ANKRD44: variants seen among roughly 807,000 people sequenced by gnomAD.
ANKRD44 encodes ankyrin repeat domain 44.
Under a neutral mutation model 116.0 loss-of-function variants are expected in ANKRD44, and 35 were observed. That is an observed-to-expected ratio of 0.30 (90% CI 0.23 to 0.40). ANKRD44 has a LOEUF of 0.40. Among genes scored for constraint, ANKRD44 ranks in the 10% least tolerant of loss-of-function variants. The pLI, the probability that ANKRD44 is intolerant of heterozygous loss-of-function variation, is 1.00. For synonymous variants in ANKRD44, 435 were observed against 461.8 expected, an observed-to-expected ratio of 0.94 and a Z score of 0.74; for missense variants, 1,014 against 1,242.6, an observed-to-expected ratio of 0.82 and a Z score of 2.77.
intron 2 of ANKRD44, among the ~76,000 whole-genome samples, chr2:197,186,606 ATTTTTCTTTTTTTTTT>A (rs1240620800): frequency 1.2e-5 from 1 of 81,454 alleles, no homozygotes; most frequent in African/African-American, 4.7e-5. Context: ...TGCCCGGCTA[ATTTTTCTTTTTTTTTT>A]TTTTTTTTTT....
At chr2:196,990,412 C>T in intron 27 of ANKRD44, 1 of 1,112,286 alleles carries the variant, frequency 9.0e-7, no homozygotes, top group Non-Finnish European at 1.1e-6. Context: ...GAATTAAATA[C>T]ATCTTTTATT....
At chr2:197,205,756 A>G (rs1022811853) in intron 1 of ANKRD44, among the ~76,000 whole-genome samples, 1 of 152,168 alleles carries the variant, frequency 6.6e-6, no homozygotes, top group African/African-American at 2.4e-5. Context: ...TCACGGTGGA[A>G]GCAACAGGGT....
intron 9 of ANKRD44, among the ~76,000 whole-genome samples, chr2:197,106,807 T>TATATATATA (rs1553509477): frequency 8.4e-5 from 9 of 107,324 alleles, no homozygotes; most frequent in Admixed American, 2.2e-4. Flanking sequence ...TATATATATA[T>TATATATATA]TTTTTTTTTT....
At chr2:197,044,803 T>G (rs1239998119) in intron 16 of ANKRD44, among the ~76,000 whole-genome samples, 1 of 152,070 alleles carries the variant, frequency 6.6e-6, no homozygotes, top group East Asian at 1.9e-4. Flanking sequence ...GTAAATAGTT[T>G]ATACACACAA....
chr2:197,208,901 A>T (rs2081267304), intron 1 of ANKRD44, among the ~76,000 whole-genome samples: 1 of 152,228 alleles, frequency 6.6e-6, no homozygotes, highest in African/African-American at 2.4e-5. Flanking sequence ...CTGAAATCCC[A>T]TGTAAGTGCC....
At chr2:197,058,833 T>C (rs2077254518) in intron 16 of ANKRD44, among the ~76,000 whole-genome samples, 1 of 152,208 alleles carries the variant, frequency 6.6e-6, no homozygotes. Flanking sequence ...GACAGGCACA[T>C]TGGAATGGTG....
At chr2:197,229,529 T>A (rs2081805878) in intron 1 of ANKRD44, among the ~76,000 whole-genome samples, 1 of 152,214 alleles carries the variant, frequency 6.6e-6, no homozygotes, top group African/African-American at 2.4e-5. Context: ...TAACAATAAC[T>A]AGTTTCTCAT....
intron 2 of ANKRD44, among the ~76,000 whole-genome samples, chr2:197,150,354 C>G (rs1433457402): frequency 1.3e-5 from 2 of 152,104 alleles, no homozygotes; most frequent in Non-Finnish European, 2.9e-5. Context: ...TGAGACCATC[C>G]TGGCTAACAC....
Position 197,045,104 on chromosome 2 carries a change from TC to T in ANKRD44, c.1651-19838del, listed in dbSNP as rs542664176. ...GGATTTCTTTCTTCTTTTTTTTTTT[TC>T]CTTTTCTATTTTGGTAAGAGGGAAG... On this transcript the variant is annotated intron_variant, in intron 16 of 27. Coordinates refer to ENST00000282272, the MANE Select transcript of ANKRD44 (RefSeq NM_001195144.2). Among the ~76,000 whole-genome samples, 539 of 145,314 alleles carry T rather than the reference TC, an allele frequency of 3.7e-3. 5 individuals are homozygous for T. Among genetic ancestry groups the T allele is most frequent in the African/African-American group, 0.013 (516 of 40,602 alleles).
intron 1 of ANKRD44, chr2:197,296,331 C>A (rs1167520102): frequency 1.3e-5 from 2 of 152,232 alleles, no homozygotes; most frequent in African/African-American, 4.8e-5. Context: ...TTTCAGCCTT[C>A]TGAGTGACAC....
intron 16 of ANKRD44, among the ~76,000 whole-genome samples, chr2:197,071,127 G>A (rs1013337984): frequency 3.9e-5 from 6 of 151,948 alleles, no homozygotes; most frequent in East Asian, 1.9e-4. Flanking sequence ...TTAGCTACAC[G>A]TTTGTCAATG....
intron 1 of ANKRD44, among the ~76,000 whole-genome samples, chr2:197,204,258 G>A (rs902307616): frequency 2.6e-5 from 4 of 152,112 alleles, no homozygotes; most frequent in Non-Finnish European, 4.4e-5. Flanking sequence ...AATATGCACA[G>A]AAAAACAAGG....
At chr2:197,026,816 G>A (rs1346058108) in intron 16 of ANKRD44, among the ~76,000 whole-genome samples, 1 of 152,090 alleles carries the variant, frequency 6.6e-6, no homozygotes, top group African/African-American at 2.4e-5. Context: ...AAGAAGCAGT[G>A]GAGATGAGAG....
chr2:197,253,595 C>A (rs2105678770), intron 1 of ANKRD44, among the ~76,000 whole-genome samples: 1 of 152,130 alleles, frequency 6.6e-6, no homozygotes, highest in African/African-American at 2.4e-5. Flanking sequence ...AAAAAGAAAC[C>A]TGTAAGAACT....
chr2:197,016,835 A>C (rs1245977179), intron 17 of ANKRD44, among the ~76,000 whole-genome samples: 1 of 152,192 alleles, frequency 6.6e-6, no homozygotes, highest in Non-Finnish European at 1.5e-5. Context: ...TACTGCAGCT[A>C]TTACTCAAGA....
chr2:197,117,662 C>T (rs1050437609), intron 8 of ANKRD44, among the ~76,000 whole-genome samples: 3 of 152,214 alleles, frequency 2.0e-5, no homozygotes, highest in African/African-American at 7.2e-5. Flanking sequence ...AGCCACCACG[C>T]CTGGCCTCTT....
chr2:197,045,669 T>G (rs575343590), intron 16 of ANKRD44, among the ~76,000 whole-genome samples: 1 of 152,226 alleles, frequency 6.6e-6, no homozygotes, highest in Non-Finnish European at 1.5e-5. Context: ...CTGGTCACTC[T>G]GATAAGCTTA....
Position 196,987,060 on chromosome 2 carries a change from A to G in ANKRD44, c.*2531T>C, listed in dbSNP as rs1318621198. The stretch of plus-strand genomic sequence containing the variant: ...ATAAAATATGTAGACAAAACTACCA[A>G]ATAAAAGATATTTGCATTGAATTTT... On this transcript the variant is annotated 3_prime_UTR_variant, in exon 28 of 28. Coordinates refer to ENST00000282272, the MANE Select transcript of ANKRD44 (RefSeq NM_001195144.2). The G allele has an allele frequency of 1.0e-6, 1 of 984,960 alleles. No homozygotes were observed. Among genetic ancestry groups the G allele is most frequent in the Non-Finnish European group, 1.2e-6 (1 of 829,580 alleles). 61.0% of individuals were successfully genotyped at this position (984,960 alleles called of 1,614,324 possible). A position where few individuals can be genotyped will look rare whatever the true frequency, so the allele number is the denominator to read the frequency against.
Position 196,987,926 on chromosome 2 carries a change from T to C in ANKRD44, c.*1665A>G. 1.0e-6 allele frequency: 1 copy of C among 983,566 alleles called. No homozygotes were observed. Among genetic ancestry groups the C allele is most frequent in the Non-Finnish European group, 1.2e-6 (1 of 828,268 alleles). 60.9% of individuals were successfully genotyped at this position (983,566 alleles called of 1,614,324 possible). On this transcript the variant is annotated 3_prime_UTR_variant, in exon 28 of 28. Transcript: ENST00000282272. ...AATACAGAAATGATAGTTTTTAAAGTCATTTCTTTAAAAAAATTTTGCCTT... is the reference window on the plus strand; with the variant it reads ...AATACAGAAATGATAGTTTTTAAAGCCATTTCTTTAAAAAAATTTTGCCTT...
Sources: allele counts gnomAD v4.1 joint callset (sites outside exome capture counted in the v4.1 genomes callset), GRCh38; gene constraint gnomAD v4.1.1; transcripts MANE v1.5; gene names NCBI Gene and HGNC (gene_info 2026-07-23, HGNC 2026-07-21).